PLA2G4C: variants seen among roughly 807,000 people sequenced by gnomAD.
PLA2G4C encodes the protein cytosolic phospholipase A2 gamma.
PLA2G4C carries 64 observed loss-of-function variants against 73.8 expected under a neutral mutation model. The ratio of observed to expected loss-of-function variants is 0.87; its 90% CI spans 0.71 to 1.07. The LOEUF (loss-of-function observed/expected upper bound fraction) is 1.07. Among genes scored for constraint, PLA2G4C ranks in the 50% least tolerant of loss-of-function variants. The probability of loss-of-function intolerance (pLI) is 0.00; values close to 1 mark genes in which losing one functional copy is unlikely to be tolerated. For synonymous variants in PLA2G4C, 254 were observed against 252.1 expected (o/e 1.01, Z -0.07); for missense variants, 622 against 665.4 (o/e 0.93, Z 0.72).
intron 4 of PLA2G4C, among the ~76,000 whole-genome samples, chr19:48,101,124 ATATTTTTT>A (rs1399300325): frequency 1.4e-3 from 83 of 59,450 alleles, no homozygotes; most frequent in East Asian, 4.6e-3. Flanking sequence ...ATATATATAT[ATATTTTTT>A]TTTTTTTTTT....
intron 14 of PLA2G4C, among the ~76,000 whole-genome samples, chr19:48,059,058 G>A (rs1227507654): frequency 6.6e-6 from 1 of 151,934 alleles, no homozygotes; most frequent in East Asian, 1.9e-4. Flanking sequence ...AGATCACAAG[G>A]TCAGGAGTTC....
chr19:48,099,509 T>C (rs528312376), intron 5 of PLA2G4C, among the ~76,000 whole-genome samples, 162 bp downstream of exon 5: 1 of 152,322 alleles, frequency 6.6e-6, no homozygotes, highest in Non-Finnish European at 1.5e-5. Context: ...GTAATCCTGA[T>C]ATACTTTAGT....
chr19:48,097,941 G>A (rs2031685613), intron 6 of PLA2G4C, 198 bp downstream of exon 6: 1 of 523,788 alleles, frequency 1.9e-6, no homozygotes, highest in East Asian at 3.2e-5. Context: ...CTTGATCCAT[G>A]CAAAGCAAGT....
In PLA2G4C at chr19:48,099,201, C is replaced by T. The variant is rs1032374732; in HGVS notation, c.447+470G>A. ...AGAGGATTGCTTGAGCCCAGGAGGT[C>T]GAAGCTGCAGTGAGCCATGATCTCG... On this transcript the variant is annotated intron_variant, in intron 5 of 16. Coordinates refer to ENST00000599921, the MANE Select transcript of PLA2G4C (RefSeq NM_003706.3). 1.3e-4 allele frequency among the ~76,000 whole-genome samples: 20 copies of T among 151,976 alleles called. 1 individual carries two copies. In the East Asian group the frequency reaches 1.4e-3, roughly 10 times the overall value.
intron 5 of PLA2G4C, among the ~76,000 whole-genome samples, chr19:48,099,167 G>A (rs1050020202): frequency 6.6e-6 from 1 of 151,844 alleles, no homozygotes; most frequent in Middle Eastern, 3.4e-3. Context: ...TACTCAAAAG[G>A]CTGAGGCAAG....
intron 14 of PLA2G4C, among the ~76,000 whole-genome samples, chr19:48,057,129 TAA>T (rs1967972724): frequency 6.6e-6 from 1 of 152,044 alleles, no homozygotes; most frequent in Non-Finnish European, 1.5e-5. Context: ...CCCCTGAACT[TAA>T]AAGTTAAAAA....
intron 4 of PLA2G4C, among the ~76,000 whole-genome samples, chr19:48,101,798 C>T (rs1034542780): frequency 1.3e-5 from 2 of 151,156 alleles, no homozygotes; most frequent in African/African-American, 4.8e-5. Flanking sequence ...CCTCAGCCTC[C>T]CAAGTAGCTG....
chr19:48,074,100 C>T (rs2029970249), intron 12 of PLA2G4C, among the ~76,000 whole-genome samples: 3 of 152,110 alleles, frequency 2.0e-5, no homozygotes, highest in African/African-American at 4.8e-5. Context: ...TTAAGCCCCA[C>T]ATGCATTAGC....
At chr19:48,071,687 G>A (rs1022552051) in intron 12 of PLA2G4C, among the ~76,000 whole-genome samples, 4 of 152,032 alleles carry the variant, frequency 2.6e-5, no homozygotes, top group Non-Finnish European at 4.4e-5. Context: ...GGCCTCAAGC[G>A]ACCCTCCCGC....
intron 10 of PLA2G4C, among the ~76,000 whole-genome samples, chr19:48,080,235 A>G (rs1162950298): frequency 6.6e-6 from 1 of 152,186 alleles, no homozygotes; most frequent in East Asian, 1.9e-4. Flanking sequence ...AATGGTCAGC[A>G]TCACTAATCA....
intron 16 of PLA2G4C, among the ~76,000 whole-genome samples, chr19:48,050,133 G>A (rs143291675): frequency 6.6e-6 from 1 of 152,242 alleles, no homozygotes; most frequent in East Asian, 1.9e-4. Flanking sequence ...TGTTGGCCAG[G>A]TTGGTCTCGA....
chr19:48,098,044 G>A, intron 6 of PLA2G4C, 95 bp downstream of exon 6: 2 of 1,371,362 alleles, frequency 1.5e-6, no homozygotes, highest in East Asian at 4.7e-5. Flanking sequence ...CCTCTTCCTG[G>A]GCTCCCCAAG....
At chr19:48,091,991 A>C (rs1654386) in intron 7 of PLA2G4C, among the ~76,000 whole-genome samples, 13,917 of 151,514 alleles carry the variant, frequency 0.092, 1,375 homozygotes, top group African/African-American at 0.25. Context: ...GAAATTGGAA[A>C]CCTGGGACAC....
At chr19:48,105,221 T>C (rs767597728) in intron 3 of PLA2G4C, 112 bp downstream of exon 3, 23 of 692,346 alleles carry the variant, frequency 3.3e-5, no homozygotes, top group Admixed American at 7.4e-5. Flanking sequence ...TTCTATCCCA[T>C]AGAAGTTCAT....
chr19:48,102,877 T>A (rs2031987230), intron 4 of PLA2G4C, among the ~76,000 whole-genome samples: 1 of 152,204 alleles, frequency 6.6e-6, no homozygotes, highest in Non-Finnish European at 1.5e-5. Context: ...GGCGTTCCTG[T>A]GAAGGACCTC....
intron 13 of PLA2G4C, among the ~76,000 whole-genome samples, chr19:48,066,227 A>G (rs1968416078): frequency 6.6e-6 from 1 of 152,054 alleles, no homozygotes; most frequent in Non-Finnish European, 1.5e-5. Context: ...TTAACTTTGG[A>G]GTGCCCTGGC....
chr19:48,050,720 G>A (rs1967696032), intron 16 of PLA2G4C, among the ~76,000 whole-genome samples: 1 of 130,314 alleles, frequency 7.7e-6, no homozygotes, highest in Non-Finnish European at 1.6e-5. Flanking sequence ...TGTCATCGAA[G>A]CTGGAGTGCA....
At chr19:48,097,353 C>T (rs251689) in intron 6 of PLA2G4C, among the ~76,000 whole-genome samples, 59,576 of 143,896 alleles carry the variant, frequency 0.41, 14,947 homozygotes, top group East Asian at 0.83. Flanking sequence ...CCCGGGTTCA[C>T]GCCATTCTCC....
rs2122541479 is a variant in PLA2G4C at position 48,072,794 on chromosome 19, T to A, written c.1006+1973A>T. ...AGAGTCTGAAGAGAGTACACCTTGA[T>A]TTCCTTTCCTTGGTGAGCTGCTGAT... On this transcript the variant is annotated intron_variant, in intron 12 of 16. Transcript: ENST00000599921. The surrounding 1 kb of genome is among the most constrained non-coding windows in gnomAD (Gnocchi z 4.4). 1 of 152,340 alleles carries A rather than the reference T, an allele frequency of 6.6e-6. No homozygotes were observed. Among genetic ancestry groups the A allele is most frequent in the East Asian group, 1.9e-4 (1 of 5,182 alleles). 9.4% of individuals were successfully genotyped at this position (152,340 alleles called of 1,614,324 possible).
Sources: gnomAD v4.1 joint callset for allele counts (sites outside exome capture counted in the v4.1 genomes callset) on GRCh38, gnomAD v4.1.1 for gene constraint, Gnocchi (gnomAD v3.1) non-coding constraint, MANE v1.5 for transcripts, NCBI Gene and HGNC (gene_info 2026-07-23, HGNC 2026-07-21) for gene names.